The following PCNX2 variants were observed in gnomAD, a reference collection of about 807,000 sequenced individuals.
PCNX2 encodes the protein pecanex-like protein 2.
Under a neutral mutation model 223.8 loss-of-function variants are expected in PCNX2, and 168 were observed. That is an observed-to-expected ratio of 0.75 (90% CI 0.66 to 0.85). PCNX2 has a LOEUF of 0.85. Ranked by LOEUF, PCNX2 falls within the 40% of genes least tolerant of loss-of-function variation. The pLI is 0.00. For missense variants in PCNX2, 2,507 were observed against 2,675.5 expected (o/e 0.94, Z 1.39); for synonymous variants, 1,006 against 1,052.6 (o/e 0.96, Z 0.86).
At chr1:233,203,508 G>T (rs961283859) in intron 13 of PCNX2, among the ~76,000 whole-genome samples, 4 of 152,158 alleles carry the variant, frequency 2.6e-5, no homozygotes, top group African/African-American at 7.2e-5. Context: ...AAAAGAAAAA[G>T]AAATTACATA....
chr1:233,092,671 G>A (rs933186357), intron 22 of PCNX2, among the ~76,000 whole-genome samples: 1 of 152,190 alleles, frequency 6.6e-6, no homozygotes, highest in Non-Finnish European at 1.5e-5. Flanking sequence ...ACTAAGAGGA[G>A]CAGGCACATA....
At chr1:233,189,981 A>G (rs1680325556) in intron 15 of PCNX2, among the ~76,000 whole-genome samples, 1 of 152,206 alleles carries the variant, frequency 6.6e-6, no homozygotes, top group Admixed American at 6.5e-5. Flanking sequence ...GTCAAAGAGA[A>G]TATGAAATTA....
Position 233,025,340 on chromosome 1 carries a change from C to T in PCNX2, c.4411G>A (p.Gly1471Ser), listed in dbSNP as rs1181390059. ...AIMEGDEEDRGCCCCKPGHLP... is the reference protein window; with the variant it reads ...AIMEGDEEDRSCCCCKPGHLP... The stretch of plus-strand genomic sequence containing the variant: ...TGGCCTGGTTTGCAGCAGCAGCAGC[C>T]TCTGTCCTCCTCGTCGCCCTCCATG... Residue 1471 changes from glycine (G) to serine (S), a missense_variant, in exon 26 of 34, where the codon GGC (glycine) becomes AGC (serine). Gly to Ser is a moderately conservative substitution (Grantham distance 56). Transcript: ENST00000258229. 2 of 1,613,894 alleles carry T rather than the reference C, an allele frequency of 1.2e-6. No individual in the cohort carries two copies. The highest frequency in any genetic ancestry group is 2.7e-5 in the African/African-American group (2 of 74,916).
intron 1 of PCNX2, among the ~76,000 whole-genome samples, chr1:233,267,542 T>G (rs956522528): frequency 1.2e-5 from 1 of 80,120 alleles, no homozygotes; most frequent in Non-Finnish European, 2.4e-5. Flanking sequence ...CCCCATCCCC[T>G]GGCAACCACC....
chr1:233,266,049 T>C (rs1660314539), intron 1 of PCNX2, among the ~76,000 whole-genome samples: 4 of 152,196 alleles, frequency 2.6e-5, no homozygotes, highest in Admixed American at 2.0e-4. Context: ...TCATCCTCTA[T>C]AAAGGACCAC....
chr1:233,295,926 C>CTT (rs1356006839), upstream of PCNX2, among the ~76,000 whole-genome samples: 9 of 147,054 alleles, frequency 6.1e-5, no homozygotes, highest in African/African-American at 2.0e-4. The surrounding 1 kb of genome is among the most constrained non-coding windows in gnomAD (Gnocchi z 4.1). Context: ...CTCCCTCTCT[C>CTT]TCTCTTTCTT....
chr1:233,015,371 A>G (rs1670615362), intron 27 of PCNX2, among the ~76,000 whole-genome samples: 1 of 152,160 alleles, frequency 6.6e-6, no homozygotes, highest in Non-Finnish European at 1.5e-5. Flanking sequence ...TGGGCAACAT[A>G]GCAAAACCCC....
chr1:233,202,366 C>G (rs1681170027), intron 13 of PCNX2: 1 of 268,110 alleles, frequency 3.7e-6, no homozygotes, highest in Non-Finnish European at 7.9e-6. Context: ...ACTTCTGGCA[C>G]AGTTCCATTT....
At chr1:233,042,905 G>A (rs1245554754) in intron 25 of PCNX2, among the ~76,000 whole-genome samples, 1 of 152,196 alleles carries the variant, frequency 6.6e-6, no homozygotes, top group Non-Finnish European at 1.5e-5. Context: ...TACCTGAAAG[G>A]AGGAATGAAA....
At chr1:233,018,025 T>C (rs1670745999) in intron 26 of PCNX2, among the ~76,000 whole-genome samples, 1 of 152,074 alleles carries the variant, frequency 6.6e-6, no homozygotes, top group African/African-American at 2.4e-5. Context: ...GTTTGTTTGT[T>C]TGTTTGTTTT....
At chr1:233,093,126 T>A (rs555604619) in intron 22 of PCNX2, among the ~76,000 whole-genome samples, 1 of 152,290 alleles carries the variant, frequency 6.6e-6, no homozygotes, top group African/African-American at 2.4e-5. Context: ...AACAGATTTT[T>A]AAAAATCATT....
chr1:233,283,290 T>G (rs1417482956), intron 1 of PCNX2, among the ~76,000 whole-genome samples: 3 of 152,178 alleles, frequency 2.0e-5, no homozygotes, highest in Non-Finnish European at 4.4e-5. Context: ...TATAGATTGA[T>G]CAATCTTTTA....
At chr1:233,112,567 C>T (rs1675172883) in intron 21 of PCNX2, among the ~76,000 whole-genome samples, 1 of 152,224 alleles carries the variant, frequency 6.6e-6, no homozygotes, top group African/African-American at 2.4e-5. Context: ...AATGAAGGCA[C>T]ATCACTGCCC....
At chr1:233,314,334 G>C in the PCNX2 span, among the ~76,000 whole-genome samples, 3 of 152,032 alleles carry the variant, frequency 2.0e-5, 1 homozygote, top group African/African-American at 7.2e-5. Flanking sequence ...GGATGGCTGG[G>C]GAGTAAACAG....
chr1:233,294,418 A>G (rs922015842), intron 1 of PCNX2, among the ~76,000 whole-genome samples: 8 of 152,220 alleles, frequency 5.3e-5, no homozygotes, highest in African/African-American at 1.9e-4. Context: ...CTTTGGATAC[A>G]CTGCCGGAAA....
intron 19 of PCNX2, among the ~76,000 whole-genome samples, chr1:233,148,886 G>A (rs1277845995): frequency 6.6e-6 from 1 of 152,222 alleles, no homozygotes; most frequent in African/African-American, 2.4e-5. Flanking sequence ...GTAAGAAGAA[G>A]CTAAAACAAA....
intron 17 of PCNX2, among the ~76,000 whole-genome samples, chr1:233,163,645 A>G (rs547590627): frequency 6.6e-6 from 1 of 151,876 alleles, no homozygotes; most frequent in East Asian, 1.9e-4. Flanking sequence ...TATGATAACT[A>G]GCACATCCAT....
At chr1:233,170,149 A>C (rs1679065857) in intron 17 of PCNX2, among the ~76,000 whole-genome samples, 1 of 152,198 alleles carries the variant, frequency 6.6e-6, no homozygotes, top group African/African-American at 2.4e-5. Flanking sequence ...AATGTGCAAG[A>C]TTTGCTCCAG....
At chr1:233,130,309 C>A (rs544826681) in intron 21 of PCNX2, among the ~76,000 whole-genome samples, 1 of 151,848 alleles carries the variant, frequency 6.6e-6, no homozygotes, top group Non-Finnish European at 1.5e-5. Context: ...ACCCCCTCAA[C>A]CCCCCCACCC....
Sources: gnomAD v4.1 joint callset for allele counts (sites outside exome capture counted in the v4.1 genomes callset) on GRCh38, gnomAD v4.1.1 for gene constraint, Gnocchi (gnomAD v3.1) non-coding constraint, MANE v1.5 for transcripts, NCBI Gene and HGNC (gene_info 2026-07-23, HGNC 2026-07-21) for gene names.